RYR1: variants seen among roughly 807,000 people sequenced by gnomAD.
RYR1 encodes ryanodine receptor 1.
A neutral mutation model predicts 583.5 loss-of-function variants in RYR1; 342 were observed. The observed-to-expected ratio is 0.59, with a 90% confidence interval of 0.54 to 0.64. The LOEUF (loss-of-function observed/expected upper bound fraction) is 0.64, where lower values mean the gene tolerates loss of function less well. Among genes scored for constraint, RYR1 ranks in the 30% least tolerant of loss-of-function variants. The pLI is 0.00. For missense variants in RYR1, 6,032 were observed against 6,917.2 expected (o/e 0.87, Z 4.54); for synonymous variants, 2,791 against 2,822.5 (o/e 0.99, Z 0.35).
At chr19:38,563,805 A>G (rs1461276933) in intron 90 of RYR1, among the ~76,000 whole-genome samples, 1 of 152,208 alleles carries the variant, frequency 6.6e-6, no homozygotes, top group Non-Finnish European at 1.5e-5. Flanking sequence ...CCTCCTCTCA[A>G]GGAAGCTAAA....
At chr19:38,562,734 G>C (rs1973206701) in intron 90 of RYR1, among the ~76,000 whole-genome samples, 1 of 152,054 alleles carries the variant, frequency 6.6e-6, no homozygotes, top group South Asian at 2.1e-4. Flanking sequence ...TCCCCCCACA[G>C]AGTCCCAGGC....
At position 38,444,025 on chromosome 19, in the gene RYR1, G is replaced by A; in HGVS notation, c.425-124G>A. On this transcript the variant is annotated intron_variant, in intron 5 of 105. Transcript: ENST00000359596. This position sits in a 1 kb window ranked among gnomAD's most constrained non-coding sequence, Gnocchi z 5.1. The stretch of plus-strand genomic sequence containing the variant: ...ACGGGGAACTGTTAGGCAGAGAGTT[G>A]GTGGCAGTGATAGGAGAGTTGTGGG... The A allele has an allele frequency of 3.4e-6, 3 of 877,718 alleles. No homozygotes were observed. In the South Asian group the frequency reaches 4.1e-5, roughly 12 times the overall value. The allele number at this position is 877,718 out of a possible 1,614,324, so 54.4% of individuals were successfully genotyped here.
Position 38,500,354 on chromosome 19 carries a change from C to T in RYR1, c.7324-252C>T, listed in dbSNP as rs1970050874. 8.4e-6 allele frequency among the ~76,000 whole-genome samples: 1 copy of T among 118,476 alleles called. No homozygotes were observed. The highest frequency in any genetic ancestry group is 1.7e-5 in the Non-Finnish European group (1 of 57,566). 77.7% of individuals were successfully genotyped at this position (118,476 alleles called of 152,430 possible). The stretch of plus-strand genomic sequence containing the variant: ...AGGGGTCAGGATGGGGATGGGGTCA[C>T]AGGGATAGGGGTCGGGGCCAGGATG... On this transcript the variant is annotated intron_variant, in intron 45 of 105. Coordinates refer to ENST00000359596, the MANE Select transcript of RYR1 (RefSeq NM_000540.3). This position sits in a 1 kb window ranked among gnomAD's most constrained non-coding sequence, Gnocchi z 5.9.
At chr19:38,527,594 G>T in intron 72 of RYR1, 53 bp from the exon 73 acceptor site, 1 of 1,610,098 alleles carries the variant, frequency 6.2e-7, no homozygotes, top group South Asian at 1.1e-5. Flanking sequence ...GACATCCGGC[G>T]GACACTGTGG....
rs540482244 is a variant in RYR1, at chr19:38,573,549, G to A, written c.14129+242G>A. Among the ~76,000 whole-genome samples the A allele has an allele frequency of 4.1e-3, 624 of 152,000 alleles. 1 individual carries two copies. The highest frequency in any genetic ancestry group is 6.9e-3 in the Non-Finnish European group (467 of 67,972). On this transcript the variant is annotated intron_variant, in intron 96 of 105. Coordinates refer to ENST00000359596, the MANE Select transcript of RYR1 (RefSeq NM_000540.3). ...ACAAAAATTAGCTGGGCGTGGTGGC[G>A]GGCGCCTGTAATCCCAGCTACTGGG...
chr19:38,545,359 G>A (rs985428349), intron 87 of RYR1, among the ~76,000 whole-genome samples: 4 of 152,100 alleles, frequency 2.6e-5, no homozygotes, highest in Non-Finnish European at 4.4e-5. Context: ...TAGGAGTGTC[G>A]GGACCTTAGG....
chr19:38,522,779 G>A (rs780441774), intron 67 of RYR1, among the ~76,000 whole-genome samples: 19 of 151,648 alleles, frequency 1.3e-4, no homozygotes, highest in African/African-American at 2.9e-4. Context: ...GTGAAACCCC[G>A]TCTCTACTAA....
intron 97 of RYR1, among the ~76,000 whole-genome samples, chr19:38,577,137 C>T (rs1231500414): frequency 1.3e-5 from 2 of 152,020 alleles, no homozygotes; most frequent in South Asian, 2.1e-4. Flanking sequence ...CCACCCGCCT[C>T]GGCCTCCCAA....
intron 57 of RYR1, among the ~76,000 whole-genome samples, chr19:38,507,335 A>T (rs1178865844): frequency 2.6e-5 from 3 of 114,092 alleles, no homozygotes; most frequent in Non-Finnish European, 3.5e-5. Context: ...GCCAAAGAGG[A>T]AGAGGCTGAG....
intron 82 of RYR1, among the ~76,000 whole-genome samples, chr19:38,536,312 T>G (rs2145750523): frequency 7.3e-6 from 1 of 137,812 alleles, no homozygotes; most frequent in South Asian, 2.6e-4. Context: ...TCATTCTGTC[T>G]TGTGTTCTCA....
Position 38,565,408 on chromosome 19 carries a change from C to T in RYR1, c.13074C>T (p.Leu4358=). The stretch of plus-strand genomic sequence containing the variant: ...CGGCGGCGGGCGCGCTGGGCCTGCT[C>T]TGGGGCTCGCTGTTCGGCGGCGGCC... ...AGAAAGALGL[L]WGSLFGGGLV... Residue 4358 remains leucine (L), a synonymous_variant, in exon 91 of 106, where the codon CTC becomes CTT. Transcript: ENST00000359596. This position sits in a 1 kb window ranked among gnomAD's most constrained non-coding sequence, Gnocchi z 4.7. 4 of 1,478,394 alleles carry T rather than the reference C, an allele frequency of 2.7e-6. No individual in the cohort carries two copies. Among genetic ancestry groups the T allele is most frequent in the Non-Finnish European group, 8.9e-7 (1 of 1,120,964 alleles). The allele number at this position is 1,478,394 out of a possible 1,614,324, so 91.6% of individuals were successfully genotyped here. A position where few individuals can be genotyped will look rare whatever the true frequency, so the allele number is the denominator to read the frequency against.
At chr19:38,455,816 C>G in intron 16 of RYR1, 65 bp downstream of exon 16, 1 of 997,778 alleles carries the variant, frequency 1.0e-6, no homozygotes, top group South Asian at 1.3e-5. Context: ...CCCAGGGCTC[C>G]AGAACTCTGC....
At chr19:38,454,048 G>GT (rs1365585914) in intron 13 of RYR1, among the ~76,000 whole-genome samples, 1 of 152,124 alleles carries the variant, frequency 6.6e-6, no homozygotes, top group Non-Finnish European at 1.5e-5. Context: ...GTTTTGTCTT[G>GT]TTTTTTGAAA....
Position 38,587,501 on chromosome 19 carries a change from C to A in RYR1, c.*81C>A, listed in dbSNP as rs1377790526. On this transcript the variant is annotated 3_prime_UTR_variant, in exon 106 of 106. Transcript: ENST00000359596. ...CCCCTTAGTCCCCAAGCCCCTCCCCCTAAGGCAGCTGGGGGAGAGGTGACC... is the reference window on the plus strand; with the variant it reads ...CCCCTTAGTCCCCAAGCCCCTCCCCATAAGGCAGCTGGGGGAGAGGTGACC... 7.0e-6 allele frequency: 7 copies of A among 1,000,800 alleles called. No homozygotes were observed. The highest frequency in any genetic ancestry group is 1.1e-5 in the Non-Finnish European group (7 of 628,094). The allele number at this position is 1,000,800 out of a possible 1,614,324, so 62.0% of individuals were successfully genotyped here. A position where few individuals can be genotyped will look rare whatever the true frequency, so the allele number is the denominator to read the frequency against.
At chr19:38,498,713 C>G (rs1201730663) in intron 42 of RYR1, among the ~76,000 whole-genome samples, 1 of 152,146 alleles carries the variant, frequency 6.6e-6, no homozygotes, top group African/African-American at 2.4e-5. Flanking sequence ...CATTTGTAAA[C>G]TGTCGTGGCG....
chr19:38,548,476 CCAT>C, intron 89 of RYR1, 56 bp downstream of exon 89: 2 of 1,560,424 alleles, frequency 1.3e-6, no homozygotes, highest in Non-Finnish European at 1.8e-6. Context: ...CAAGGGCCAG[CCAT>C]ACCCTTCTGG....
intron 81 of RYR1, 33 bp from the exon 82 acceptor site, chr19:38,535,964 A>G (rs1971944763): frequency 6.2e-7 from 1 of 1,602,600 alleles, no homozygotes. Flanking sequence ...AGGCTTCATC[A>G]CATACCCCCT....
intron 30 of RYR1, 62 bp downstream of exon 30, chr19:38,477,932 C>A: frequency 6.6e-7 from 1 of 1,507,440 alleles, no homozygotes; most frequent in Non-Finnish European, 9.1e-7. Flanking sequence ...AGTCAGAGCT[C>A]CCGACACCAG....
intron 29 of RYR1, 33 bp from the exon 30 acceptor site, chr19:38,477,677 A>T (rs959757099): frequency 4.3e-6 from 7 of 1,613,798 alleles, no homozygotes; most frequent in Non-Finnish European, 5.9e-6. Context: ...TGACTTCCAG[A>T]CTGACCACTA....
Sources: gnomAD v4.1 joint callset for allele counts (sites outside exome capture counted in the v4.1 genomes callset) on GRCh38, gnomAD v4.1.1 for gene constraint, Gnocchi (gnomAD v3.1) non-coding constraint, MANE v1.5 for transcripts, NCBI Gene and HGNC (gene_info 2026-07-23, HGNC 2026-07-21) for gene names.